The following ENO3 variants were observed in gnomAD, a reference collection of about 807,000 sequenced individuals.
The protein encoded by ENO3 is beta-enolase.
ENO3 carries 46 observed loss-of-function variants against 47.7 expected under a neutral mutation model. The ratio of observed to expected loss-of-function variants is 0.96; its 90% CI spans 0.76 to 1.23. ENO3 has a LOEUF of 1.23. Among genes scored for constraint, ENO3 ranks in the 50% most tolerant of loss-of-function variants. The pLI, the probability that ENO3 is intolerant of heterozygous loss-of-function variation, is 0.00. For synonymous variants in ENO3, 223 were observed against 225.9 expected (o/e 0.99, Z 0.11); for missense variants, 575 against 566.2 (o/e 1.02, Z -0.16).
At chr17:4,956,276 C>G in intron 9 of ENO3, 133 bp downstream of exon 9, 2 of 1,144,292 alleles carry the variant, frequency 1.7e-6, no homozygotes, top group Admixed American at 2.0e-5. Context: ...ACCTTGATCT[C>G]AAGACTTTGT....
At chr17:4,952,275 T>G in intron 2 of ENO3, 1 of 367,046 alleles carries the variant, frequency 2.7e-6, no homozygotes, top group Non-Finnish European at 5.3e-6. Flanking sequence ...CTCCCGGGTT[T>G]AAGTGATTCT....
At chr17:4,953,386 G>A (rs757517899) in intron 5 of ENO3, 45 bp downstream of exon 5, 1 of 1,613,122 alleles carries the variant, frequency 6.2e-7, no homozygotes, top group Non-Finnish European at 8.5e-7. Flanking sequence ...GTGTGGGAGA[G>A]ATGGCGAGAG....
At chr17:4,956,174 T>C (rs1971727144) in intron 9 of ENO3, 31 bp downstream of exon 9, 2 of 1,611,288 alleles carry the variant, frequency 1.2e-6, no homozygotes, top group Non-Finnish European at 1.7e-6. Context: ...AGGCTCACCA[T>C]AGCCTGCCTC....
intron 2 of ENO3, 66 bp downstream of exon 2, chr17:4,951,980 G>C (rs980094935): frequency 1.3e-6 from 2 of 1,542,136 alleles, no homozygotes; most frequent in African/African-American, 1.4e-5. Flanking sequence ...TTGCCCCCCA[G>C]TTCTGTGCCA....
At chr17:4,952,015 C>T (rs779737262) in intron 2 of ENO3, 101 bp downstream of exon 2, 6 of 1,324,972 alleles carry the variant, frequency 4.5e-6, no homozygotes, top group Admixed American at 1.9e-5. Context: ...TCTCGGGTTC[C>T]CTTTCCCAGA....
At chr17:4,955,047 A>G (rs750278874) in intron 6 of ENO3, 28 bp from the exon 7 acceptor site, 2 of 1,522,574 alleles carry the variant, frequency 1.3e-6, no homozygotes, top group South Asian at 1.1e-5. Context: ...GCCCCGGCCC[A>G]GGTCCAGACA....
intron 6 of ENO3, 191 bp downstream of exon 6, chr17:4,954,036 A>G: frequency 7.1e-6 from 6 of 845,506 alleles, no homozygotes; most frequent in Non-Finnish European, 1.1e-5. Flanking sequence ...TGAAGGCTCT[A>G]TGTGCTTCCT....
chr17:4,955,010 C>T lies in ENO3; in HGVS notation c.445-65C>T, dbSNP rs574529683. On this transcript the variant is annotated intron_variant, in intron 6 of 11. Transcript: ENST00000519602. ...GCCAGGTTTCCACCCCAACACCCCC[C>T]GCCCCTGTCCCTTCTTGAGCTCTCA... The T allele has an allele frequency of 4.3e-4, 646 of 1,503,464 alleles. 6 individuals are homozygous for T. Among genetic ancestry groups the T allele is most frequent in the Non-Finnish European group, 5.7e-4 (625 of 1,101,554 alleles). 93.1% of individuals were successfully genotyped at this position (1,503,464 alleles called of 1,614,324 possible). A position where few individuals can be genotyped will look rare whatever the true frequency, so the allele number is the denominator to read the frequency against.
At chr17:4,955,894 CCTGTCTCTGCT>C (rs1404678493) in intron 8 of ENO3, 37 bp from the exon 9 acceptor site, 24 of 985,186 alleles carry the variant, frequency 2.4e-5, no homozygotes, top group Admixed American at 2.3e-4. Flanking sequence ...CTGTCTCTGC[CCTGTCTCTGCT>C]CTGTCTCTGC....
chr17:4,952,089 C>T (rs943798080), intron 2 of ENO3, 175 bp downstream of exon 2: 1 of 732,486 alleles, frequency 1.4e-6, no homozygotes, highest in Non-Finnish European at 2.4e-6. Context: ...AAGCAGGAGT[C>T]TCTCTCTGCA....
rs1422187648 is a variant in ENO3, at chr17:4,953,259, C to A, written c.241-13C>A. ...CTGACCTCTGCTCTCCCTTCTCAAA[C>A]TCACCCTTCCAGAAACTAAGCGTTG... On this transcript the variant is annotated splice_polypyrimidine_tract_variant and intron_variant, in intron 4 of 11. Transcript: ENST00000519602. 6.2e-7 allele frequency: 1 copy of A among 1,614,216 alleles called. No homozygotes were observed.
rs777213473 is a variant in ENO3, at chr17:4,952,851, G to A, written c.142G>A (p.Glu48Lys). Residue 48 changes from glutamate (E) to lysine (K), a missense_variant, in exon 3 of 12, where the codon GAA becomes AAA. Coordinates refer to ENST00000519602, the MANE Select transcript of ENO3 (RefSeq NM_053013.4). ...TTCCACGGGTATCTATGAGGCTCTG[G>A]AACTAAGAGACGGAGACAAAGGCCG... ...GASTGIYEAL[E>K]LRDGDKGRYL... 11 of 1,612,534 alleles carry A rather than the reference G, an allele frequency of 6.8e-6. No homozygotes were observed. The highest frequency in any genetic ancestry group is 9.3e-6 in the Non-Finnish European group (11 of 1,179,162).
At position 4,956,570 on chromosome 17, in the gene ENO3, C is replaced by G; in HGVS notation, c.1068-3C>G. The G allele has an allele frequency of 2.5e-6, 4 of 1,614,192 alleles. No individual in the cohort carries two copies. The highest frequency in any genetic ancestry group is 2.2e-5 in the East Asian group (1 of 44,884). On this transcript the variant is annotated splice_region_variant and splice_polypyrimidine_tract_variant and intron_variant, in intron 9 of 11. Transcript: ENST00000519602. ...GGCCACATCAAATGTCCTCTCCACT[C>G]AGGTGCAAACTGGCTCAGTCTAATG...
chr17:4,952,042 C>G (rs774773171), intron 2 of ENO3, 128 bp downstream of exon 2: 41 of 1,010,366 alleles, frequency 4.1e-5, no homozygotes, highest in Non-Finnish European at 5.7e-5. Context: ...CCCAAGCCCC[C>G]TTCTTCCAAC....
chr17:4,952,438 G>A (rs1971569169), intron 2 of ENO3: 1 of 349,170 alleles, frequency 2.9e-6, no homozygotes, highest in Non-Finnish European at 5.6e-6. Flanking sequence ...CCGCCTCCCG[G>A]GTTCACGCCA....
At chr17:4,951,085 A>G, upstream of ENO3, 3 of 986,270 alleles carry the variant, frequency 3.0e-6, no homozygotes, top group Non-Finnish European at 3.6e-6. Context: ...CGAGTGGCTC[A>G]GGGATAAATG....
Position 4,955,562 on chromosome 17 carries a change from A to C in ENO3, c.823A>C (p.Lys275Gln). Residue 275 changes from lysine (K) to glutamine (Q), a missense_variant, in exon 8 of 12, where the codon AAG becomes CAG. Coordinates refer to ENST00000519602, the MANE Select transcript of ENO3 (RefSeq NM_053013.4). ...TCCCGCACGGCACATCACTGGGGAG[A>C]AGCTCGGAGAGCTGTATAAGAGCTT... ...DDPARHITGEKLGELYKSFIK... is the reference protein window; with the variant it reads ...DDPARHITGEQLGELYKSFIK... 2 of 1,614,156 alleles carry C rather than the reference A, an allele frequency of 1.2e-6. No homozygotes were observed. Among genetic ancestry groups the C allele is most frequent in the Non-Finnish European group, 1.7e-6 (2 of 1,180,034 alleles).
chr17:4,951,062 G>T (rs555482993), upstream of ENO3: 2 of 986,108 alleles, frequency 2.0e-6, no homozygotes, highest in Non-Finnish European at 2.4e-6. Context: ...GAGAGGCGGG[G>T]CTGGCTGGGG....
At chr17:4,952,986 A>T in intron 3 of ENO3, 65 bp from the exon 4 acceptor site, 1 of 1,611,234 alleles carries the variant, frequency 6.2e-7, no homozygotes, top group South Asian at 1.1e-5. Flanking sequence ...GCTCTTGAGG[A>T]GCTGGGGTCC....
Sources: allele counts gnomAD v4.1 joint callset, GRCh38; gene constraint gnomAD v4.1.1; transcripts MANE v1.5; gene names NCBI Gene and HGNC (gene_info 2026-07-23, HGNC 2026-07-21).